The following COL15A1 variants were observed in gnomAD, a reference collection of about 807,000 sequenced individuals.
The protein encoded by COL15A1 is collagen type XV alpha 1 chain, also known as collagen alpha-1(XV) chain.
COL15A1 carries 111 observed loss-of-function variants against 165.9 expected under a neutral mutation model. That is an observed-to-expected ratio of 0.67 (90% CI 0.57 to 0.78). The LOEUF (loss-of-function observed/expected upper bound fraction) is 0.78, where lower values mean the gene tolerates loss of function less well. Ranked by LOEUF, COL15A1 falls within the 30% of genes least tolerant of loss-of-function variation. The pLI is 0.00. For missense variants in COL15A1, 1,745 were observed against 1,789.7 expected (o/e 0.98, Z 0.45); for synonymous variants, 659 against 674.8 (o/e 0.98, Z 0.36).
At position 99,070,562 on chromosome 9, in the gene COL15A1, A is replaced by G; in HGVS notation, c.*676A>G. ...AACTCCAAATAATCTGAAACTAGAA[A>G]AGAAATAGCACATAATTACTACCTT... is the stretch of plus-strand genomic sequence containing the variant. On this transcript the variant is annotated 3_prime_UTR_variant, in exon 42 of 42. Transcript: ENST00000375001. 1 of 390,496 alleles carries G rather than the reference A, an allele frequency of 2.6e-6. No individual in the cohort carries two copies. Among genetic ancestry groups the G allele is most frequent in the South Asian group, 1.8e-5 (1 of 54,724 alleles). 24.2% of individuals were successfully genotyped at this position (390,496 alleles called of 1,614,324 possible).
chr9:99,001,280 C>T (rs1361841381), intron 7 of COL15A1, among the ~76,000 whole-genome samples: 3 of 152,190 alleles, frequency 2.0e-5, no homozygotes, highest in African/African-American at 7.2e-5. Context: ...CTTTGAGTCC[C>T]CTTCAAGACA....
chr9:98,957,902 C>T (rs1055219386), intron 2 of COL15A1, among the ~76,000 whole-genome samples: 17 of 152,188 alleles, frequency 1.1e-4, no homozygotes, highest in African/African-American at 4.1e-4. Flanking sequence ...CTGTGTTGCC[C>T]AGACTGGTCT....
At chr9:99,064,581 A>G (rs1825866175) in intron 39 of COL15A1, among the ~76,000 whole-genome samples, 1 of 152,230 alleles carries the variant, frequency 6.6e-6, no homozygotes, top group South Asian at 2.1e-4. Flanking sequence ...GGATTAGACT[A>G]TGAGGAGCAA....
At chr9:99,059,765 A>G in intron 35 of COL15A1, 124 bp from the exon 36 acceptor site, 1 of 1,000,422 alleles carries the variant, frequency 1.0e-6, no homozygotes, top group Non-Finnish European at 1.5e-6. Flanking sequence ...TACAGGTGGA[A>G]GTTGGGATGC....
At chr9:99,036,522 A>G (rs2119055186) in intron 21 of COL15A1, 126 bp downstream of exon 21, 1 of 881,540 alleles carries the variant, frequency 1.1e-6, no homozygotes, top group Non-Finnish European at 1.7e-6. Flanking sequence ...CTGGTGTTAG[A>G]ACTTCCACCT....
chr9:98,975,187 C>G (rs559376542), intron 2 of COL15A1, among the ~76,000 whole-genome samples: 7 of 152,376 alleles, frequency 4.6e-5, no homozygotes, highest in African/African-American at 1.4e-4. Flanking sequence ...GAGCGAGGAA[C>G]GCTCCTTAGC....
At chr9:98,986,730 G>A (rs147535805) in intron 3 of COL15A1, among the ~76,000 whole-genome samples, 17 of 152,248 alleles carry the variant, frequency 1.1e-4, no homozygotes, top group African/African-American at 3.9e-4. Flanking sequence ...GAACAGGACA[G>A]CACCACGGGG....
intron 2 of COL15A1, among the ~76,000 whole-genome samples, chr9:98,969,129 A>G (rs554686623): frequency 6.6e-6 from 1 of 152,258 alleles, no homozygotes; most frequent in South Asian, 2.1e-4. Context: ...GTATCACCCT[A>G]TTTTGCAGAA....
chr9:98,979,031 T>C (rs532138594), intron 2 of COL15A1, among the ~76,000 whole-genome samples: 153 of 152,332 alleles, frequency 1.0e-3, no homozygotes, highest in Non-Finnish European at 1.6e-3. Context: ...TACATCTTGA[T>C]TGTTTCATAT....
At chr9:98,957,967 C>G (rs1378507237) in intron 2 of COL15A1, among the ~76,000 whole-genome samples, 1 of 152,224 alleles carries the variant, frequency 6.6e-6, no homozygotes, top group Non-Finnish European at 1.5e-5. Context: ...TCTATGCCAC[C>G]AGCACCTAGC....
chr9:99,054,526 AAAG>A, intron 31 of COL15A1, 47 bp from the exon 32 acceptor site: 1 of 1,552,436 alleles, frequency 6.4e-7, no homozygotes, highest in Non-Finnish European at 8.7e-7. Flanking sequence ...TTTTATATAG[AAAG>A]AAGGTGATTT....
Position 99,067,508 on chromosome 9 carries a change from C to T in COL15A1, c.3837+441C>T, listed in dbSNP as rs530996135. ...TGTGCCCATTTAAGCAGATATTTCT[C>T]TGCCCCATTTGTGGGTAAGACAGGG... On this transcript the variant is annotated intron_variant, in intron 40 of 41. Transcript: ENST00000375001. Among the ~76,000 whole-genome samples, 92 of 152,294 alleles carry T rather than the reference C, an allele frequency of 6.0e-4. 1 individual carries two copies. The highest frequency in any genetic ancestry group is 1.0e-3 in the Non-Finnish European group (71 of 68,020).
At chr9:99,062,935 T>C (rs1825838839) in intron 38 of COL15A1, 115 bp from the exon 39 acceptor site, 18 of 1,302,938 alleles carry the variant, frequency 1.4e-5, no homozygotes, top group Admixed American at 6.2e-5. Context: ...TTACAGACAA[T>C]GGCAAATTAT....
At chr9:99,066,608 T>TG (rs1305388245) in intron 39 of COL15A1, among the ~76,000 whole-genome samples, 2,155 of 144,628 alleles carry the variant, frequency 0.015, 113 homozygotes, top group African/African-American at 0.052. Flanking sequence ...TGTTTTTTTT[T>TG]TTTTTTTTTT....
intron 4 of COL15A1, among the ~76,000 whole-genome samples, chr9:98,987,794 T>C (rs1838341288): frequency 1.3e-5 from 2 of 152,218 alleles, no homozygotes; most frequent in Non-Finnish European, 1.5e-5. Flanking sequence ...GATGACTCCT[T>C]CTTCCCTCCC....
In COL15A1 at chr9:99,069,685, C is replaced by T; in HGVS notation, c.3966C>T (p.Val1322=). ...IMTDPSWPQK[V]IWHGSSPHGV... ...AATTACTTTATAGGCCCCAGAAAGTCATTTGGCATGGCTCCAGCCCCCATG... is the reference window on the plus strand; with the variant it reads ...AATTACTTTATAGGCCCCAGAAAGTTATTTGGCATGGCTCCAGCCCCCATG... Residue 1322 remains valine, a synonymous_variant, in exon 42 of 42, where the codon GTC becomes GTT. Coordinates refer to ENST00000375001, the MANE Select transcript of COL15A1 (RefSeq NM_001855.5). 1.3e-6 allele frequency: 2 copies of T among 1,599,980 alleles called. No individual in the cohort carries two copies. Among genetic ancestry groups the T allele is most frequent in the Middle Eastern group, 3.3e-4 (2 of 6,020 alleles).
chr9:98,997,771 A>AGG (rs1381732898), intron 6 of COL15A1: 2 of 152,308 alleles, frequency 1.3e-5, no homozygotes, highest in Non-Finnish European at 2.9e-5. Context: ...GTAAAAGCCC[A>AGG]GGCGTCAAAC....
intron 1 of COL15A1, 38 bp from the exon 2 acceptor site, chr9:98,944,124 G>T (rs1837534701): frequency 1.2e-6 from 2 of 1,614,056 alleles, no homozygotes; most frequent in Non-Finnish European, 8.5e-7. Context: ...CAATACTCTT[G>T]CCCGCCTCAC....
chr9:99,044,270 G>T (rs150411251), intron 24 of COL15A1, among the ~76,000 whole-genome samples: 77 of 152,246 alleles, frequency 5.1e-4, no homozygotes, highest in African/African-American at 1.7e-3. Flanking sequence ...ATCAGTGGGA[G>T]CCTGAAGGGG....
Sources: gnomAD v4.1 joint callset for allele counts (sites outside exome capture counted in the v4.1 genomes callset) on GRCh38, gnomAD v4.1.1 for gene constraint, MANE v1.5 for transcripts, NCBI Gene and HGNC (gene_info 2026-07-23, HGNC 2026-07-21) for gene names.